DCC: variants seen among roughly 807,000 people sequenced by gnomAD.
DCC encodes DCC netrin 1 receptor.
Under a neutral mutation model 172.5 loss-of-function variants are expected in DCC, and 58 were observed. The observed-to-expected ratio is 0.34, with a 90% CI of 0.27 to 0.42. The LOEUF (loss-of-function observed/expected upper bound fraction) is 0.42, where lower values mean the gene tolerates loss of function less well. Ranked by LOEUF, DCC falls within the 10% of genes least tolerant of loss-of-function variation. The pLI is 1.00. For missense variants in DCC, 1,740 were observed against 1,791.0 expected (o/e 0.97, Z 0.51); for synonymous variants, 709 against 644.5 (o/e 1.10, Z -1.52).
At chr18:53,468,346 ATTTATTTATTTATTTAT>A (rs1397814766) in intron 25 of DCC, among the ~76,000 whole-genome samples, 3 of 70,644 alleles carry the variant, frequency 4.2e-5, no homozygotes, top group African/African-American at 1.8e-4. Flanking sequence ...GTTTATTTTT[ATTTATTTATTTATTTAT>A]TTTATTTATT....
At chr18:52,833,291 G>A (rs759864484) in intron 2 of DCC, among the ~76,000 whole-genome samples, 1 of 152,082 alleles carries the variant, frequency 6.6e-6, no homozygotes, top group Non-Finnish European at 1.5e-5. Flanking sequence ...CCTTGGGAAG[G>A]CTAATGCATC....
At chr18:53,510,686 C>G (rs1448211517) in intron 27 of DCC, among the ~76,000 whole-genome samples, 2 of 152,218 alleles carry the variant, frequency 1.3e-5, no homozygotes, top group Non-Finnish European at 2.9e-5. Context: ...ATTTTCACTT[C>G]CATGATACTG....
At chr18:53,058,076 A>G (rs2042437240) in intron 5 of DCC, among the ~76,000 whole-genome samples, 1 of 152,118 alleles carries the variant, frequency 6.6e-6, no homozygotes, top group South Asian at 2.1e-4. Context: ...GCAATTCCAG[A>G]CAGAAATCCA....
intron 7 of DCC, among the ~76,000 whole-genome samples, chr18:53,116,005 T>A (rs2043403987): frequency 6.6e-6 from 1 of 151,358 alleles, no homozygotes; most frequent in South Asian, 2.1e-4. Context: ...TCAAAGTAGA[T>A]TAGATAAATT....
Position 53,501,625 on chromosome 18 carries a change from C to T in DCC, c.4111+2115C>T, listed in dbSNP as rs535561368. Among the ~76,000 whole-genome samples, 30 of 152,168 alleles carry T rather than the reference C, an allele frequency of 2.0e-4. No homozygotes were observed. The South Asian group carries it at 2.7e-3, about 14-fold the overall frequency. On this transcript the variant is annotated intron_variant, in intron 27 of 28. Transcript: ENST00000442544. ...TTTGGTAGCAACAAAAAGTAAAGTG[C>T]GGTTGCAGCAGTTTATGCTGTTAAT...
Position 52,853,311 on chromosome 18 carries a change from TAGA to T in DCC, c.413-52727_413-52725del, listed in dbSNP as rs568736741. Reference sequence around the variant, plus strand: ...TCAAATGAAGAAGTGAATAACCAAATAGAAGAAGTCGTAAGACCATCCTGTCTC... The same window carrying T: ...TCAAATGAAGAAGTGAATAACCAAATAGAAGTCGTAAGACCATCCTGTCTC... On this transcript the variant is annotated intron_variant, in intron 2 of 28. Coordinates refer to ENST00000442544, the MANE Select transcript of DCC (RefSeq NM_005215.4). 5.3e-5 allele frequency among the ~76,000 whole-genome samples: 8 copies of T among 152,268 alleles called. No homozygotes were observed. In the South Asian group the frequency reaches 6.2e-4, roughly 12 times the overall value.
intron 1 of DCC, among the ~76,000 whole-genome samples, chr18:52,501,493 T>C (rs1299895405): frequency 1.3e-5 from 2 of 152,126 alleles, no homozygotes; most frequent in Non-Finnish European, 2.9e-5. Context: ...AGAGAATAAC[T>C]ATCAAGTTTC....
intron 2 of DCC, among the ~76,000 whole-genome samples, chr18:52,862,068 T>A (rs907027595): frequency 6.6e-6 from 1 of 152,150 alleles, no homozygotes; most frequent in Non-Finnish European, 1.5e-5. Flanking sequence ...ATTTTAGGAA[T>A]CTCATACAGT....
chr18:52,741,943 T>G (rs942283313), intron 1 of DCC, among the ~76,000 whole-genome samples: 5 of 152,146 alleles, frequency 3.3e-5, no homozygotes, highest in Admixed American at 3.3e-4. Context: ...GGGGAGATAA[T>G]TAGGGTTAGA....
At chr18:53,150,547 C>T (rs930440902) in intron 7 of DCC, among the ~76,000 whole-genome samples, 5 of 152,082 alleles carry the variant, frequency 3.3e-5, no homozygotes, top group African/African-American at 1.2e-4. Flanking sequence ...CAAAAATGAC[C>T]GGATTGTTGG....
chr18:53,218,737 C>G (rs930351668), intron 12 of DCC, among the ~76,000 whole-genome samples: 2 of 151,974 alleles, frequency 1.3e-5, no homozygotes, highest in Non-Finnish European at 2.9e-5. Flanking sequence ...ATGAAATGGA[C>G]TTTAAAATGT....
chr18:53,133,324 T>G (rs2043686404), intron 7 of DCC, among the ~76,000 whole-genome samples: 2 of 152,212 alleles, frequency 1.3e-5, no homozygotes, highest in South Asian at 4.1e-4. Context: ...ACAAATGCTG[T>G]AAGTTTGCAA....
At chr18:52,603,091 C>A (rs1215640597) in intron 1 of DCC, among the ~76,000 whole-genome samples, 1 of 151,976 alleles carries the variant, frequency 6.6e-6, no homozygotes, top group Non-Finnish European at 1.5e-5. Flanking sequence ...TTCAAAATCA[C>A]CTGAGAAGCA....
chr18:52,776,051 A>G (rs1185366185), intron 2 of DCC, among the ~76,000 whole-genome samples: 4 of 152,186 alleles, frequency 2.6e-5, no homozygotes, highest in Non-Finnish European at 5.9e-5. Flanking sequence ...TTTCTCCCCA[A>G]TCAACAGACA....
intron 1 of DCC, among the ~76,000 whole-genome samples, chr18:52,615,067 C>G (rs959182417): frequency 6.6e-6 from 1 of 152,150 alleles, no homozygotes; most frequent in Non-Finnish European, 1.5e-5. Flanking sequence ...TTACATCTCT[C>G]TTAAAAGTCG....
intron 27 of DCC, chr18:53,505,200 G>C (rs907435633): frequency 7.1e-6 from 1 of 141,026 alleles, no homozygotes; most frequent in East Asian, 2.1e-4. Flanking sequence ...CTCTGGAATA[G>C]CTGCCATCTG....
chr18:53,512,470 T>G (rs1046721450), intron 27 of DCC, among the ~76,000 whole-genome samples: 1 of 150,694 alleles, frequency 6.6e-6, no homozygotes, highest in Non-Finnish European at 1.5e-5. Flanking sequence ...AGAATGACTT[T>G]GACGAGCTGA....
rs2144068320 is a variant in DCC at position 53,059,739 on chromosome 18, T to A, written c.986-3566T>A. 2.0e-5 allele frequency among the ~76,000 whole-genome samples: 3 copies of A among 152,288 alleles called. No individual in the cohort carries two copies. In the South Asian group the frequency reaches 6.2e-4, roughly 32 times the overall value. On this transcript the variant is annotated intron_variant, in intron 5 of 28. Transcript: ENST00000442544. ...AGAAAATAATATTATTTTGTAGATA[T>A]ATCATTTCCATGGCATTATCCGAAC...
intron 2 of DCC, among the ~76,000 whole-genome samples, chr18:52,793,267 A>G (rs962022535): frequency 6.6e-6 from 1 of 151,880 alleles, no homozygotes; most frequent in Non-Finnish European, 1.5e-5. Context: ...TGACAAAGAG[A>G]AGGGAAGATG....
Sources: allele counts gnomAD v4.1 joint callset (sites outside exome capture counted in the v4.1 genomes callset), GRCh38; gene constraint gnomAD v4.1.1; transcripts MANE v1.5; gene names NCBI Gene and HGNC (gene_info 2026-07-23, HGNC 2026-07-21).